The following N4BP2L2 variants were observed in gnomAD, a reference collection of about 807,000 sequenced individuals.
N4BP2L2 encodes NEDD4 binding protein 2 like 2, also known as NEDD4-binding protein 2-like 2.
A neutral mutation model predicts 56.2 loss-of-function variants in N4BP2L2; 50 were observed. The ratio of observed to expected loss-of-function variants is 0.89; its 90% confidence interval spans 0.71 to 1.13. The LOEUF is 1.13. Ranked by LOEUF, N4BP2L2 falls within the 50% of genes most tolerant of loss-of-function variation. The probability of loss-of-function intolerance (pLI) is 0.00; values close to 1 mark genes in which losing one functional copy is unlikely to be tolerated. For missense variants in N4BP2L2, 689 were observed against 693.8 expected (o/e 0.99, Z 0.08); for synonymous variants, 203 against 223.6 (o/e 0.91, Z 0.82).
intron 6 of N4BP2L2, among the ~76,000 whole-genome samples, chr13:32,445,898 CCTGT>C (rs1312993983): frequency 1.3e-5 from 2 of 152,034 alleles, no homozygotes; most frequent in Admixed American, 1.3e-4. Flanking sequence ...ATCTAGTTAT[CCTGT>C]CTTTCACCCT....
intron 2 of N4BP2L2, among the ~76,000 whole-genome samples, chr13:32,535,106 C>T (rs1327083624): frequency 6.6e-6 from 1 of 152,186 alleles, no homozygotes; most frequent in East Asian, 1.9e-4. Flanking sequence ...TTCAAAATTC[C>T]TTTCCTTGGG....
At chr13:32,519,445 C>G (rs1339515236) in intron 5 of N4BP2L2, among the ~76,000 whole-genome samples, 1 of 152,034 alleles carries the variant, frequency 6.6e-6, no homozygotes, top group Admixed American at 6.6e-5. Flanking sequence ...TGCTTGAGGT[C>G]AGGAGCTCAA....
chr13:32,526,477 C>T (rs1237097658), intron 3 of N4BP2L2, among the ~76,000 whole-genome samples: 1 of 152,012 alleles, frequency 6.6e-6, no homozygotes, highest in African/African-American at 2.4e-5. Context: ...CTAGAATTTG[C>T]TTTAAAAAGA....
At chr13:32,512,103 T>C (rs958276722) in exon 6 of N4BP2L2, 1 of 152,108 alleles carries the variant, frequency 6.6e-6, no homozygotes, top group Non-Finnish European at 1.5e-5. Context: ...ATAATCCAAA[T>C]AATAAAGTAT....
chr13:32,527,123 C>T (rs1281243731), intron 3 of N4BP2L2: 2 of 235,474 alleles, frequency 8.5e-6, no homozygotes, highest in African/African-American at 4.5e-5. Context: ...AATAAAGCCT[C>T]TTAAAATATC....
chr13:32,495,419 T>A lies in N4BP2L2; in HGVS notation c.365+22438A>T, dbSNP rs192446306. On this transcript the variant is annotated intron_variant, in intron 6 of 9. Transcript: ENST00000357505. ...TTCTGTTTAGTACCCACGCAGTCAA[T>A]CCCTACCCCCAGCCCCCAAAGTTGT... Among the ~76,000 whole-genome samples the A allele has an allele frequency of 4.5e-3, 678 of 152,146 alleles. 24 individuals are homozygous for A. The highest frequency in any genetic ancestry group is 0.042 in the Admixed American group (639 of 15,280).
chr13:32,432,777 T>G (rs2074998735), exon 10 of N4BP2L2: 1 of 152,230 alleles, frequency 6.6e-6, no homozygotes, highest in Non-Finnish European at 1.5e-5. Context: ...AATAAAATGT[T>G]CAAATTGTTA....
At chr13:32,525,706 T>G (rs532667940) in intron 3 of N4BP2L2, 1 of 152,306 alleles carries the variant, frequency 6.6e-6, no homozygotes, top group Admixed American at 6.5e-5. Context: ...AATTCCTTAC[T>G]GTATTTGACA....
At chr13:32,465,680 G>A (rs560765695) in intron 6 of N4BP2L2, among the ~76,000 whole-genome samples, 1 of 152,220 alleles carries the variant, frequency 6.6e-6, no homozygotes, top group Admixed American at 6.5e-5. Context: ...TTGAGACAAA[G>A]TCTCCCTCTG....
chr13:32,517,260 G>C (rs1391530009), exon 6 of N4BP2L2: 1 of 986,006 alleles, frequency 1.0e-6, no homozygotes, highest in Non-Finnish European at 1.2e-6. Context: ...ACATTTGCTG[G>C]GGAATTTTGT....
chr13:32,498,836 C>A (rs2139504458), intron 6 of N4BP2L2, among the ~76,000 whole-genome samples: 1 of 150,338 alleles, frequency 6.7e-6, no homozygotes, highest in African/African-American at 2.4e-5. Flanking sequence ...AACCCCAACT[C>A]TACAAAAAAA....
chr13:32,538,843 A>G (rs1317111581), upstream of N4BP2L2: 1 of 985,480 alleles, frequency 1.0e-6, no homozygotes, highest in Non-Finnish European at 1.2e-6. Flanking sequence ...TGCGCCAGGC[A>G]TTGTGGGAAT....
chr13:32,517,986 A>G (rs1193827163), exon 6 of N4BP2L2: 4 of 1,613,478 alleles, frequency 2.5e-6, no homozygotes, highest in Admixed American at 1.7e-5. Context: ...CTTTCGAGAC[A>G]CACCATGTTT....
intron 2 of N4BP2L2, among the ~76,000 whole-genome samples, chr13:32,530,480 T>C (rs9591092): frequency 0.017 from 2,550 of 152,298 alleles, 71 homozygotes; most frequent in African/African-American, 0.057. Context: ...ATTCTCAGAA[T>C]GTCAAAATTT....
At chr13:32,464,209 C>G (rs913288417) in intron 6 of N4BP2L2, among the ~76,000 whole-genome samples, 2 of 152,058 alleles carry the variant, frequency 1.3e-5, no homozygotes, top group African/African-American at 4.8e-5. Context: ...ATGGAGGGAA[C>G]AGAGATATAT....
chr13:32,479,655 T>C (rs1447812830), intron 6 of N4BP2L2, among the ~76,000 whole-genome samples: 1 of 148,190 alleles, frequency 6.7e-6, no homozygotes, highest in Non-Finnish European at 1.5e-5. Flanking sequence ...AATGTATAAA[T>C]ATGAAAAAAT....
chr13:32,443,122 G>A (rs199913605), exon 7 of N4BP2L2: 63 of 1,613,084 alleles, frequency 3.9e-5, no homozygotes, highest in African/African-American at 3.7e-4. Context: ...TGGTATATCC[G>A]GTTGAGGTAA....
exon 7 of N4BP2L2, chr13:32,442,940 C>A (rs1056317581): frequency 6.2e-7 from 1 of 1,613,034 alleles, no homozygotes; most frequent in Non-Finnish European, 8.5e-7. Flanking sequence ...GAAATTCTAT[C>A]TTTTTCTTCT....
intron 9 of N4BP2L2, among the ~76,000 whole-genome samples, chr13:32,436,051 C>T (rs2075433408): frequency 6.6e-6 from 1 of 152,090 alleles, no homozygotes; most frequent in Non-Finnish European, 1.5e-5. Flanking sequence ...ACATACCAAC[C>T]CAAGGGGGGA....
Sources: gnomAD v4.1 joint callset for allele counts (sites outside exome capture counted in the v4.1 genomes callset) on GRCh38, gnomAD v4.1.1 for gene constraint, MANE v1.5 for transcripts, NCBI Gene and HGNC (gene_info 2026-07-23, HGNC 2026-07-21) for gene names.